Variants in SDC2 observed in about 807,000 individuals in gnomAD.
SDC2 encodes the protein syndecan 2, also known as syndecan-2.
SDC2 carries 13 observed loss-of-function variants against 22.2 expected under a neutral mutation model. That is an observed-to-expected ratio of 0.59 (90% CI 0.38 to 0.93). SDC2 has a LOEUF of 0.93. Ranked by LOEUF, SDC2 falls within the 40% of genes least tolerant of loss-of-function variation. SDC2 has a pLI of 0.00. For missense variants in SDC2, 235 were observed against 246.8 expected (o/e 0.95, Z 0.32); for synonymous variants, 94 against 92.8 (o/e 1.01, Z -0.07).
chr8:96,502,315 G>GCC (rs762429025), intron 1 of SDC2, among the ~76,000 whole-genome samples: 59 of 152,136 alleles, frequency 3.9e-4, no homozygotes, highest in Non-Finnish European at 6.9e-4. Context: ...TCTCCACCTG[G>GCC]CCCCGCCCTT....
intron 2 of SDC2, among the ~76,000 whole-genome samples, chr8:96,594,756 A>C (rs562552908): frequency 1.2e-4 from 19 of 152,352 alleles, no homozygotes; most frequent in African/African-American, 4.6e-4. Flanking sequence ...CTCACAGTTC[A>C]GCATGCCTGG....
Position 96,535,928 on chromosome 8 carries a change from A to G in SDC2, c.60+41597A>G, listed in dbSNP as rs567778953. On this transcript the variant is annotated intron_variant, in intron 1 of 4. Coordinates refer to ENST00000302190, the MANE Select transcript of SDC2 (RefSeq NM_002998.4). ...GTTAAGTATGACATGAGGCAGTTTT[A>G]TGAAACGTAAAAATGGCTTTTTCAT... Among the ~76,000 whole-genome samples the G allele has an allele frequency of 2.7e-3, 409 of 152,312 alleles. 3 individuals carry two copies. Among genetic ancestry groups the G allele is most frequent in the Middle Eastern group, 0.014 (4 of 294 alleles).
chr8:96,595,487 T>C (rs1406234495), intron 2 of SDC2, among the ~76,000 whole-genome samples: 1 of 151,240 alleles, frequency 6.6e-6, no homozygotes, highest in Non-Finnish European at 1.5e-5. Context: ...TCTATAAATA[T>C]CTTTCACTCA....
In SDC2 at chr8:96,520,201, T is replaced by TAG. The variant is rs1252973085; in HGVS notation, c.60+25872_60+25873dup. Among the ~76,000 whole-genome samples the TAG allele has an allele frequency of 9.9e-5, 15 of 152,218 alleles. No individual in the cohort carries two copies. In the East Asian group the frequency reaches 2.7e-3, roughly 27 times the overall value. ...TAAAAAGCTCTCTTGAATCTACAAA[T>TAG]AGAATCCATTTTACTAAAGCTAGGG... is the stretch of plus-strand genomic sequence containing the variant. On this transcript the variant is annotated intron_variant, in intron 1 of 4. Transcript: ENST00000302190.
intron 1 of SDC2, among the ~76,000 whole-genome samples, chr8:96,578,536 T>A (rs1814540263): frequency 6.6e-6 from 1 of 152,194 alleles, no homozygotes; most frequent in Non-Finnish European, 1.5e-5. Context: ...ACCAGGCTGA[T>A]TCTGGTTTCT....
At chr8:96,573,255 G>T (rs1292503893) in intron 1 of SDC2, among the ~76,000 whole-genome samples, 2 of 12,642 alleles carry the variant, frequency 1.6e-4, no homozygotes, top group Non-Finnish European at 4.7e-4. Flanking sequence ...TTTAGTCCAG[G>T]TGTCTGACTT....
chr8:96,551,438 A>G (rs1022683124), intron 1 of SDC2, among the ~76,000 whole-genome samples: 1 of 152,182 alleles, frequency 6.6e-6, no homozygotes, highest in Non-Finnish European at 1.5e-5. Context: ...CATTCTGTGT[A>G]TTTTAAGTCA....
intron 2 of SDC2, among the ~76,000 whole-genome samples, chr8:96,597,550 C>A (rs1814899356): frequency 6.6e-6 from 1 of 152,078 alleles, no homozygotes; most frequent in Non-Finnish European, 1.5e-5. Context: ...GAAAGAGAAA[C>A]CCCCAAATTG....
At chr8:96,540,425 G>C (rs922140799) in intron 1 of SDC2, among the ~76,000 whole-genome samples, 1 of 149,388 alleles carries the variant, frequency 6.7e-6, no homozygotes, top group South Asian at 2.1e-4. Context: ...TGGGAGGATC[G>C]CTTGAGCCTG....
intron 1 of SDC2, among the ~76,000 whole-genome samples, chr8:96,541,110 AC>A (rs1039273177): frequency 6.6e-6 from 1 of 152,202 alleles, no homozygotes; most frequent in African/African-American, 2.4e-5. Context: ...GTGTATACAT[AC>A]AGTGGAATAT....
intron 1 of SDC2, among the ~76,000 whole-genome samples, chr8:96,518,423 C>T (rs1245138492): frequency 1.3e-5 from 2 of 149,614 alleles, no homozygotes; most frequent in Non-Finnish European, 3.0e-5. Flanking sequence ...TGCAGTGGCG[C>T]GATCTCGGCC....
intron 1 of SDC2, among the ~76,000 whole-genome samples, chr8:96,583,605 C>T (rs1178931471): frequency 6.6e-6 from 1 of 150,478 alleles, no homozygotes; most frequent in East Asian, 2.0e-4. Flanking sequence ...ATAAATCCAC[C>T]ACCCTAACCA....
intron 1 of SDC2, among the ~76,000 whole-genome samples, chr8:96,534,836 A>G (rs1337725156): frequency 6.6e-6 from 1 of 151,892 alleles, no homozygotes; most frequent in African/African-American, 2.4e-5. Flanking sequence ...CAGCTCCTTC[A>G]GTTTTGTTGC....
At chr8:96,600,083 C>T (rs868460389) in intron 2 of SDC2, among the ~76,000 whole-genome samples, 2 of 152,092 alleles carry the variant, frequency 1.3e-5, no homozygotes, top group East Asian at 1.9e-4. Flanking sequence ...TGCTTGAGCC[C>T]GCAAGTTTGA....
intron 1 of SDC2, among the ~76,000 whole-genome samples, chr8:96,569,332 G>A (rs1288399887): frequency 6.6e-6 from 1 of 152,068 alleles, no homozygotes; most frequent in Non-Finnish European, 1.5e-5. Flanking sequence ...TATACTCTCA[G>A]CCTAGATATC....
At chr8:96,606,349 A>G in intron 3 of SDC2, among the ~76,000 whole-genome samples, 1 of 152,150 alleles carries the variant, frequency 6.6e-6, no homozygotes, top group Non-Finnish European at 1.5e-5. Flanking sequence ...CTCCCTACCC[A>G]GCCACCTTTA....
chr8:96,607,231 T>C (rs1302925447), intron 3 of SDC2, among the ~76,000 whole-genome samples: 1 of 151,988 alleles, frequency 6.6e-6, no homozygotes, highest in Admixed American at 6.6e-5. Flanking sequence ...CAGGGTTTTC[T>C]ACTGGGAGTA....
At chr8:96,587,142 T>C (rs1373131048) in intron 1 of SDC2, among the ~76,000 whole-genome samples, 1 of 152,220 alleles carries the variant, frequency 6.6e-6, no homozygotes, top group African/African-American at 2.4e-5. Flanking sequence ...CAGGCTGGTC[T>C]CAAACTCCTG....
intron 1 of SDC2, among the ~76,000 whole-genome samples, chr8:96,557,541 C>T (rs375589989): frequency 8.7e-5 from 13 of 149,024 alleles, no homozygotes; most frequent in East Asian, 2.0e-4. Context: ...AACCAAACAC[C>T]GCATATTCTC....
Sources: allele counts gnomAD v4.1 joint callset (sites outside exome capture counted in the v4.1 genomes callset), GRCh38; gene constraint gnomAD v4.1.1; transcripts MANE v1.5; gene names NCBI Gene and HGNC (gene_info 2026-07-23, HGNC 2026-07-21).